The following FOXP1 variants were observed in gnomAD, a reference collection of about 807,000 sequenced individuals.
FOXP1 encodes the protein forkhead box P1, also known as forkhead box protein P1.
In FOXP1, 15 loss-of-function variants were observed where a neutral mutation model predicts 98.2. That is an observed-to-expected ratio of 0.15 (90% CI 0.10 to 0.24). FOXP1 has a LOEUF of 0.24. FOXP1 is among the 10% of genes least tolerant of loss of function. FOXP1 has a pLI of 1.00. For missense variants in FOXP1, 633 were observed against 848.5 expected, an observed-to-expected ratio of 0.75 and a Z score of 3.15; for synonymous variants, 371 against 314.5, an observed-to-expected ratio of 1.18 and a Z score of -1.90.
chr3:71,267,834 A>G (rs2069852943), intron 5 of FOXP1, among the ~76,000 whole-genome samples: 1 of 151,956 alleles, frequency 6.6e-6, no homozygotes, highest in South Asian at 2.1e-4. Context: ...CCTGGCCAAT[A>G]TGGTGAAACC....
At chr3:71,394,452 G>A (rs2081240587) in intron 3 of FOXP1, among the ~76,000 whole-genome samples, 1 of 152,098 alleles carries the variant, frequency 6.6e-6, no homozygotes, top group Non-Finnish European at 1.5e-5. Context: ...ACCAATGAGG[G>A]AAAAAGGTAA....
intron 20 of FOXP1, among the ~76,000 whole-genome samples, chr3:70,961,190 G>GCATTA (rs1323243284): frequency 6.6e-6 from 1 of 152,084 alleles, no homozygotes; most frequent in Non-Finnish European, 1.5e-5. Context: ...TAGCAAAGTT[G>GCATTA]CATTACATTA....
intron 11 of FOXP1, among the ~76,000 whole-genome samples, chr3:71,031,250 AAG>A (rs1266232929): frequency 6.6e-6 from 1 of 152,224 alleles, no homozygotes; most frequent in African/African-American, 2.4e-5. Flanking sequence ...AATGGAGAGA[AAG>A]AGAGAGATCG....
intron 13 of FOXP1, among the ~76,000 whole-genome samples, chr3:70,997,065 A>T (rs1016556479): frequency 1.3e-5 from 2 of 152,240 alleles, no homozygotes; most frequent in African/African-American, 4.8e-5. Context: ...TCCTGGACTG[A>T]TAAATGCTTT....
chr3:71,405,785 G>A (rs1353017295), intron 3 of FOXP1, among the ~76,000 whole-genome samples: 1 of 151,936 alleles, frequency 6.6e-6, no homozygotes, highest in African/African-American at 2.4e-5. Context: ...CTGGAGTGCA[G>A]TGGCTCAATC....
intron 7 of FOXP1, among the ~76,000 whole-genome samples, chr3:71,074,959 T>C (rs1273641246): frequency 2.0e-5 from 3 of 152,222 alleles, no homozygotes; most frequent in African/African-American, 7.2e-5. Flanking sequence ...CAGACACCGA[T>C]GATCTTCTCT....
In FOXP1 at chr3:71,277,265, T is replaced by A. The variant is rs1041104525; in HGVS notation, c.-12+22555A>T. 3.1e-3 allele frequency among the ~76,000 whole-genome samples: 461 copies of A among 150,488 alleles called. 6 individuals are homozygous for A. Among genetic ancestry groups the A allele is most frequent in the African/African-American group, 0.011 (446 of 41,296 alleles). On this transcript the variant is annotated intron_variant, in intron 5 of 20. Coordinates refer to ENST00000649528, the MANE Select transcript of FOXP1 (RefSeq NM_001349338.3). Reference sequence around the variant, plus strand: ...GAGCCACCGCACCTGGCTGAACTTTTTTTTTTTTTTTTTTTAACTTCCACA... The same window carrying A: ...GAGCCACCGCACCTGGCTGAACTTTATTTTTTTTTTTTTTTAACTTCCACA...
chr3:71,394,676 TG>T (rs1235649778), intron 3 of FOXP1, among the ~76,000 whole-genome samples: 1 of 152,180 alleles, frequency 6.6e-6, no homozygotes, highest in Non-Finnish European at 1.5e-5. Flanking sequence ...CCGACCCTTG[TG>T]TCAAAGGTAG....
chr3:71,152,583 T>A (rs2060623168), intron 6 of FOXP1, among the ~76,000 whole-genome samples: 1 of 152,132 alleles, frequency 6.6e-6, no homozygotes, highest in South Asian at 2.1e-4. Flanking sequence ...CAGCTGTGGC[T>A]CTGACCCCCA....
intron 7 of FOXP1, among the ~76,000 whole-genome samples, chr3:71,058,605 G>GAAA (rs747147944): frequency 3.8e-5 from 4 of 104,070 alleles, no homozygotes; most frequent in Admixed American, 9.9e-5. Flanking sequence ...AGAGAGAGGA[G>GAAA]AAAAAAAAAA....
chr3:71,231,918 C>T (rs752905284), intron 5 of FOXP1, among the ~76,000 whole-genome samples: 3 of 152,238 alleles, frequency 2.0e-5, no homozygotes, highest in Admixed American at 6.5e-5. Flanking sequence ...AGGAAGGCCA[C>T]ATCCATTTCC....
chr3:71,507,261 T>C (rs564068274), intron 2 of FOXP1, among the ~76,000 whole-genome samples: 3 of 152,206 alleles, frequency 2.0e-5, no homozygotes, highest in East Asian at 1.9e-4. Flanking sequence ...GCCTTTCCAG[T>C]TGGGTGGTGA....
intron 4 of FOXP1, among the ~76,000 whole-genome samples, chr3:71,318,675 C>G (rs1258853859): frequency 6.6e-6 from 1 of 151,370 alleles, no homozygotes; most frequent in Non-Finnish European, 1.5e-5. Flanking sequence ...TCAGGAGAAG[C>G]TGGCTGATTT....
chr3:71,335,361 T>C (rs570525651), intron 4 of FOXP1: 2 of 152,316 alleles, frequency 1.3e-5, no homozygotes, highest in East Asian at 3.9e-4. Flanking sequence ...TTGCTAATCA[T>C]AACTGGTAGT....
chr3:71,583,182 CAG>C (rs949118454), intron 1 of FOXP1, among the ~76,000 whole-genome samples: 1 of 152,030 alleles, frequency 6.6e-6, no homozygotes, highest in Non-Finnish European at 1.5e-5. Flanking sequence ...GTGGAGAGCG[CAG>C]AGAGAGGCGT....
chr3:71,485,158 G>A (rs866139276), intron 3 of FOXP1, among the ~76,000 whole-genome samples: 10 of 152,168 alleles, frequency 6.6e-5, no homozygotes, highest in Admixed American at 2.0e-4. Context: ...GTTGGGTAGA[G>A]GACAGGGGTG....
chr3:71,111,132 T>C (rs2057885102), intron 7 of FOXP1, among the ~76,000 whole-genome samples: 1 of 152,180 alleles, frequency 6.6e-6, no homozygotes, highest in Non-Finnish European at 1.5e-5. Flanking sequence ...CACCCTGACC[T>C]GTGAAAAGTA....
intron 5 of FOXP1, among the ~76,000 whole-genome samples, chr3:71,266,500 C>T (rs890596755): frequency 6.6e-6 from 1 of 152,214 alleles, no homozygotes; most frequent in Admixed American, 6.5e-5. Flanking sequence ...GATCTGCCCA[C>T]CTCAGCTTCC....
chr3:71,389,125 A>G (rs1284318385), intron 3 of FOXP1, among the ~76,000 whole-genome samples: 1 of 151,816 alleles, frequency 6.6e-6, no homozygotes, highest in Non-Finnish European at 1.5e-5. Context: ...ATCTTGAGGC[A>G]ACATTCCATC....
Sources: allele counts gnomAD v4.1 joint callset (sites outside exome capture counted in the v4.1 genomes callset), GRCh38; gene constraint gnomAD v4.1.1; transcripts MANE v1.5; gene names NCBI Gene and HGNC (gene_info 2026-07-23, HGNC 2026-07-21).